The following CRIM1 variants were observed in gnomAD, a reference collection of about 807,000 sequenced individuals.
The protein encoded by CRIM1 is cysteine-rich motor neuron 1 protein.
Under a neutral mutation model 116.4 loss-of-function variants are expected in CRIM1, and 32 were observed. That is an observed-to-expected ratio of 0.27 (90% confidence interval 0.21 to 0.37). The LOEUF (loss-of-function observed/expected upper bound fraction) is 0.37, where lower values mean the gene tolerates loss of function less well. Ranked by LOEUF, CRIM1 falls within the 10% of genes least tolerant of loss-of-function variation. The pLI is 1.00. For missense variants in CRIM1, 1,331 were observed against 1,354.8 expected (o/e 0.98, Z 0.28); for synonymous variants, 590 against 509.2 (o/e 1.16, Z -2.13).
intron 7 of CRIM1, among the ~76,000 whole-genome samples, chr2:36,498,666 A>G (rs1680770989): frequency 6.6e-6 from 1 of 152,286 alleles, no homozygotes; most frequent in East Asian, 1.9e-4. Context: ...ATAAGTGTGT[A>G]GTTATCTGTC....
chr2:36,447,659 T>G (rs1287180037), intron 4 of CRIM1, among the ~76,000 whole-genome samples: 2 of 152,228 alleles, frequency 1.3e-5, no homozygotes, highest in African/African-American at 4.8e-5. Flanking sequence ...TGCCATGTTC[T>G]GTTGGTCAAA....
At chr2:36,427,507 C>T (rs1344797599) in intron 2 of CRIM1, among the ~76,000 whole-genome samples, 4 of 152,142 alleles carry the variant, frequency 2.6e-5, no homozygotes, top group Non-Finnish European at 4.4e-5. Context: ...AGGTGGGAGC[C>T]GTAACAAGCC....
chr2:36,440,566 C>T (rs1274617075), intron 2 of CRIM1, among the ~76,000 whole-genome samples: 4 of 152,128 alleles, frequency 2.6e-5, no homozygotes, highest in East Asian at 3.9e-4. Flanking sequence ...TTTTATTTTT[C>T]GCATCTCTAA....
intron 4 of CRIM1, among the ~76,000 whole-genome samples, chr2:36,456,518 G>T (rs948128789): frequency 2.0e-5 from 3 of 152,096 alleles, no homozygotes; most frequent in Admixed American, 6.5e-5. Flanking sequence ...CCTTCATGCA[G>T]CTCTCACTCC....
rs761192934 is a variant in CRIM1 at position 36,356,272 on chromosome 2, A to AGGC, written c.-10_-8dup. The AGGC allele has an allele frequency of 9.9e-5, 132 of 1,339,048 alleles. 1 individual carries two copies. In the South Asian group the frequency reaches 1.1e-3, roughly 11 times the overall value. The allele number at this position is 1,339,048 out of a possible 1,614,324, so 82.9% of individuals were successfully genotyped here. A position where few individuals can be genotyped will look rare whatever the true frequency, so the allele number is the denominator to read the frequency against. On this transcript the variant is annotated 5_prime_UTR_variant, in exon 1 of 17. Coordinates refer to ENST00000280527, the MANE Select transcript of CRIM1 (RefSeq NM_016441.3). This position sits in a 1 kb window ranked among gnomAD's most constrained non-coding sequence, Gnocchi z 4.3. ...CGCTCCCGGCCCGGCTGCGAGGAGG[A>AGGC]GGCGGCGGCGGCGCAGGAGGATGTA...
intron 8 of CRIM1, among the ~76,000 whole-genome samples, chr2:36,499,879 C>G (rs1332839963): frequency 6.6e-6 from 1 of 152,118 alleles, no homozygotes; most frequent in Non-Finnish European, 1.5e-5. Context: ...ATGTTAAAAC[C>G]ATTTCGAATT....
intron 1 of CRIM1, among the ~76,000 whole-genome samples, chr2:36,366,274 T>C (rs1271078094): frequency 1.3e-5 from 2 of 152,222 alleles, no homozygotes; most frequent in African/African-American, 2.4e-5. Flanking sequence ...GAAACTACTT[T>C]AGTACCTCTC....
intron 13 of CRIM1, among the ~76,000 whole-genome samples, chr2:36,527,792 C>A (rs1665855890): frequency 6.6e-6 from 1 of 152,146 alleles, no homozygotes; most frequent in African/African-American, 2.4e-5. Flanking sequence ...TAATGTTACG[C>A]ATTTCGAAAC....
At chr2:36,406,982 C>G (rs1173853989) in intron 2 of CRIM1, among the ~76,000 whole-genome samples, 1 of 152,170 alleles carries the variant, frequency 6.6e-6, no homozygotes, top group African/African-American at 2.4e-5. Flanking sequence ...AGCAGAGGAT[C>G]TGGAATTCCC....
rs147540257 is a variant in CRIM1, at chr2:36,497,627, A to T, written c.1373-1592A>T. 2.2e-3 allele frequency among the ~76,000 whole-genome samples: 328 copies of T among 152,316 alleles called. 2 individuals carry two copies. The highest frequency in any genetic ancestry group is 7.5e-3 in the African/African-American group (311 of 41,570). The stretch of plus-strand genomic sequence containing the variant: ...CCTTGGTTATTGAAGGAAATTAGAA[A>T]CTACATCAGTGAAAAGTTTATATAA... On this transcript the variant is annotated intron_variant, in intron 7 of 16. Coordinates refer to ENST00000280527, the MANE Select transcript of CRIM1 (RefSeq NM_016441.3).
chr2:36,493,357 C>T (rs1680363021), intron 7 of CRIM1, among the ~76,000 whole-genome samples: 1 of 152,080 alleles, frequency 6.6e-6, no homozygotes, highest in South Asian at 2.1e-4. Context: ...GGTGTGTGTG[C>T]ATATGAATGC....
At chr2:36,517,305 C>G in intron 11 of CRIM1, 22 bp from the exon 12 acceptor site, 2 of 1,599,556 alleles carry the variant, frequency 1.3e-6, no homozygotes, top group Non-Finnish European at 1.7e-6. Context: ...ATAATGTGTT[C>G]TGATTTTGTG....
Position 36,356,751 on chromosome 2 carries a change from C to A in CRIM1, c.331+128C>A. On this transcript the variant is annotated intron_variant, in intron 1 of 16. Coordinates refer to ENST00000280527, the MANE Select transcript of CRIM1 (RefSeq NM_016441.3). The surrounding 1 kb of genome is among the most constrained non-coding windows in gnomAD (Gnocchi z 4.3). ...GGCTCTGCGGGAAGAGGGGCGGCCGCCGCCCCCAGGAGAGTGCCCCCGCGG... is the reference window on the plus strand; with the variant it reads ...GGCTCTGCGGGAAGAGGGGCGGCCGACGCCCCCAGGAGAGTGCCCCCGCGG... The A allele has an allele frequency of 1.1e-6, 1 of 914,446 alleles. No individual in the cohort carries two copies. The highest frequency in any genetic ancestry group is 1.6e-6 in the Non-Finnish European group (1 of 621,426). The allele number at this position is 914,446 out of a possible 1,614,324, so 56.6% of individuals were successfully genotyped here. A position where few individuals can be genotyped will look rare whatever the true frequency, so the allele number is the denominator to read the frequency against.
intron 8 of CRIM1, among the ~76,000 whole-genome samples, chr2:36,508,071 C>G (rs1289555103): frequency 6.6e-6 from 1 of 152,120 alleles, no homozygotes; most frequent in African/African-American, 2.4e-5. Flanking sequence ...TCACCATTCC[C>G]TTAATAATGG....
At chr2:36,369,226 G>T (rs575540539) in intron 1 of CRIM1, 1 of 152,386 alleles carries the variant, frequency 6.6e-6, no homozygotes, top group East Asian at 1.9e-4. Flanking sequence ...TGTGTTTGCT[G>T]TAGTGAAGGG....
At chr2:36,435,330 C>CTGTGTG (rs111252647) in intron 2 of CRIM1, among the ~76,000 whole-genome samples, 30,936 of 149,860 alleles carry the variant, frequency 0.21, 3,273 homozygotes, top group Admixed American at 0.28. Flanking sequence ...GTGTATCTCA[C>CTGTGTG]TGTGTGTGTG....
intron 13 of CRIM1, 32 bp downstream of exon 13, chr2:36,522,345 C>T (rs1572922017): frequency 6.6e-7 from 1 of 1,506,812 alleles, no homozygotes; most frequent in Admixed American, 1.7e-5. Context: ...TCCCTCATCT[C>T]TACCAGTTGT....
chr2:36,496,855 C>A (rs570134870), intron 7 of CRIM1, among the ~76,000 whole-genome samples: 1 of 152,182 alleles, frequency 6.6e-6, no homozygotes, highest in Non-Finnish European at 1.5e-5. Flanking sequence ...CTTTCACTTT[C>A]TAGCCACAGA....
intron 7 of CRIM1, among the ~76,000 whole-genome samples, chr2:36,489,849 C>T (rs1680097900): frequency 6.6e-6 from 1 of 152,132 alleles, no homozygotes; most frequent in Admixed American, 6.5e-5. Flanking sequence ...TGTTTCGACC[C>T]ACATTGGATT....
Sources: gnomAD v4.1 joint callset for allele counts (sites outside exome capture counted in the v4.1 genomes callset) on GRCh38, gnomAD v4.1.1 for gene constraint, Gnocchi (gnomAD v3.1) non-coding constraint, MANE v1.5 for transcripts, NCBI Gene and HGNC (gene_info 2026-07-23, HGNC 2026-07-21) for gene names.